Variants in PDLIM5 observed in about 807,000 individuals in gnomAD.
PDLIM5 encodes the protein PDZ and LIM domain protein 5.
A neutral mutation model predicts 64.2 loss-of-function variants in PDLIM5; 34 were observed. That is an observed-to-expected ratio of 0.53 (90% CI 0.40 to 0.71). PDLIM5 has a LOEUF of 0.71. Among genes scored for constraint, PDLIM5 ranks in the 30% least tolerant of loss-of-function variants. The pLI is 0.00. For missense variants in PDLIM5, 683 were observed against 733.6 expected (o/e 0.93, Z 0.80); for synonymous variants, 253 against 269.1 (o/e 0.94, Z 0.59).
At chr4:94,655,993 C>T (rs1480657307) in intron 10 of PDLIM5, among the ~76,000 whole-genome samples, 1 of 152,094 alleles carries the variant, frequency 6.6e-6, no homozygotes, top group Non-Finnish European at 1.5e-5. Flanking sequence ...TCCCATTGTC[C>T]TTCAGTAGTG....
intron 2 of PDLIM5, among the ~76,000 whole-genome samples, chr4:94,496,236 T>G (rs1727382278): frequency 6.6e-6 from 1 of 152,176 alleles, no homozygotes; most frequent in African/African-American, 2.4e-5. Context: ...ATTACTTATT[T>G]TGTAGGTAAA....
chr4:94,626,726 A>G (rs1177529936), intron 8 of PDLIM5, among the ~76,000 whole-genome samples: 1 of 152,062 alleles, frequency 6.6e-6, no homozygotes, highest in Non-Finnish European at 1.5e-5. Flanking sequence ...TTAGCAATAA[A>G]GAAAAGCTTG....
At chr4:94,534,761 C>A (rs1731175238) in intron 3 of PDLIM5, among the ~76,000 whole-genome samples, 1 of 152,114 alleles carries the variant, frequency 6.6e-6, no homozygotes, top group Admixed American at 6.6e-5. Flanking sequence ...TCAAGAATAT[C>A]ATATTTGTTT....
At chr4:94,650,780 C>T (rs1477822212) in intron 9 of PDLIM5, among the ~76,000 whole-genome samples, 2 of 152,054 alleles carry the variant, frequency 1.3e-5, no homozygotes, top group African/African-American at 4.8e-5. Context: ...TGAACTCTTC[C>T]TTGGCATCCT....
intron 3 of PDLIM5, among the ~76,000 whole-genome samples, chr4:94,535,618 A>G (rs753940953): frequency 1.3e-3 from 201 of 152,236 alleles, no homozygotes; most frequent in Non-Finnish European, 2.5e-3. Context: ...GGAATAGAGT[A>G]GAGGAAATTA....
intron 3 of PDLIM5, among the ~76,000 whole-genome samples, chr4:94,527,446 A>G (rs563830474): frequency 6.6e-6 from 1 of 152,296 alleles, no homozygotes; most frequent in East Asian, 1.9e-4. Flanking sequence ...TAAGTTACCT[A>G]CAAGAGTACT....
intron 1 of PDLIM5, among the ~76,000 whole-genome samples, chr4:94,453,098 C>A (rs1723014288): frequency 6.6e-6 from 1 of 152,132 alleles, no homozygotes; most frequent in South Asian, 2.1e-4. Context: ...ACCAAGCTTC[C>A]TTCCCTAGTA....
chr4:94,572,671 C>T (rs1475505833), intron 3 of PDLIM5, among the ~76,000 whole-genome samples: 8 of 151,974 alleles, frequency 5.3e-5, no homozygotes, highest in African/African-American at 9.7e-5. Flanking sequence ...CTCTCTTTTC[C>T]ACACTTATTA....
At chr4:94,660,825 A>G (rs1313394505) in intron 11 of PDLIM5, among the ~76,000 whole-genome samples, 3 of 152,194 alleles carry the variant, frequency 2.0e-5, no homozygotes, top group African/African-American at 7.2e-5. Context: ...AGGGTGAACC[A>G]TGAGTCAACA....
At chr4:94,568,720 T>A (rs1406275854) in intron 3 of PDLIM5, among the ~76,000 whole-genome samples, 6 of 152,308 alleles carry the variant, frequency 3.9e-5, no homozygotes, top group Non-Finnish European at 7.4e-5. Flanking sequence ...TCAAATAGAA[T>A]ATTGTGAAAT....
At chr4:94,512,296 G>A (rs918255123) in intron 2 of PDLIM5, among the ~76,000 whole-genome samples, 2 of 152,060 alleles carry the variant, frequency 1.3e-5, no homozygotes, top group African/African-American at 2.4e-5. Flanking sequence ...TGGGATTACA[G>A]GCATGAGCCA....
chr4:94,524,203 T>C lies in PDLIM5; in HGVS notation c.248+328T>C, dbSNP rs535479351. Among the ~76,000 whole-genome samples, 3 of 151,816 alleles carry C rather than the reference T, an allele frequency of 2.0e-5. No individual in the cohort carries two copies. In the South Asian group the frequency reaches 6.3e-4, roughly 32 times the overall value. On this transcript the variant is annotated intron_variant, in intron 3 of 12. Coordinates refer to ENST00000317968, the MANE Select transcript of PDLIM5 (RefSeq NM_006457.5). ...GGCCAATATAATGAGTCCTCGTCTC[T>C]ACAAAACATAAAAAAATTAGCCAGG...
Position 94,482,396 on chromosome 4 carries a change from TG to T in PDLIM5, c.96+27014del, listed in dbSNP as rs764476488. Among the ~76,000 whole-genome samples the T allele has an allele frequency of 1.1e-3, 163 of 152,262 alleles. 1 individual carries two copies. The highest frequency in any genetic ancestry group is 3.4e-3 in the Middle Eastern group (1 of 294). On this transcript the variant is annotated intron_variant, in intron 2 of 12. Coordinates refer to ENST00000317968, the MANE Select transcript of PDLIM5 (RefSeq NM_006457.5). ...TAATAAATATCTCTGAGTTCAATAT[TG>T]GTTTGTGCATCTCTGTTATTTGCTT...
At chr4:94,478,396 A>T (rs898580300) in intron 2 of PDLIM5, among the ~76,000 whole-genome samples, 23 of 152,224 alleles carry the variant, frequency 1.5e-4, no homozygotes, top group African/African-American at 5.5e-4. Flanking sequence ...CAAAAGTTAT[A>T]CATGAATCTT....
At chr4:94,616,683 G>A (rs1033786699) in intron 7 of PDLIM5, among the ~76,000 whole-genome samples, 15 of 152,230 alleles carry the variant, frequency 9.9e-5, no homozygotes, top group Non-Finnish European at 1.3e-4. Flanking sequence ...ATTGTATAGC[G>A]TGTTTTATCA....
chr4:94,522,613 T>A (rs1181198888), intron 2 of PDLIM5, among the ~76,000 whole-genome samples: 1 of 152,286 alleles, frequency 6.6e-6, no homozygotes, highest in East Asian at 1.9e-4. Context: ...TCACCTCAAG[T>A]GATCTGCCTG....
chr4:94,572,224 G>C (rs187015577), intron 3 of PDLIM5, among the ~76,000 whole-genome samples: 1 of 152,058 alleles, frequency 6.6e-6, no homozygotes, highest in African/African-American at 2.4e-5. Context: ...TCTGTGCTTG[G>C]TGTGTTATCC....
intron 2 of PDLIM5, among the ~76,000 whole-genome samples, chr4:94,496,913 A>T (rs1048143135): frequency 6.6e-6 from 1 of 152,244 alleles, no homozygotes; most frequent in Admixed American, 6.5e-5. Flanking sequence ...AGTTCCAGAA[A>T]TATTGGATTT....
chr4:94,548,506 G>A (rs1162545191), intron 3 of PDLIM5, among the ~76,000 whole-genome samples: 1 of 152,160 alleles, frequency 6.6e-6, no homozygotes, highest in African/African-American at 2.4e-5. Flanking sequence ...CGATGTTTTA[G>A]TAGATTCCAT....
Sources: allele counts gnomAD v4.1 joint callset (sites outside exome capture counted in the v4.1 genomes callset), GRCh38; gene constraint gnomAD v4.1.1; transcripts MANE v1.5; gene names NCBI Gene and HGNC (gene_info 2026-07-23, HGNC 2026-07-21).